TAX1BP1: variants seen among roughly 807,000 people sequenced by gnomAD.
TAX1BP1 encodes Tax1 binding protein 1, also known as tax1-binding protein 1.
In TAX1BP1, 62 loss-of-function variants were observed where a neutral mutation model predicts 97.7. The ratio of observed to expected loss-of-function variants is 0.63; its 90% confidence interval spans 0.52 to 0.78. The LOEUF is 0.78. Ranked by LOEUF, TAX1BP1 falls within the 30% of genes least tolerant of loss-of-function variation. The probability of loss-of-function intolerance (pLI) is 0.00; values close to 1 mark genes in which losing one functional copy is unlikely to be tolerated. For missense variants in TAX1BP1, 867 were observed against 916.1 expected (o/e 0.95, Z 0.69); for synonymous variants, 340 against 304.2 (o/e 1.12, Z -1.23).
chr7:27,756,610 T>C (rs905171581), intron 2 of TAX1BP1, among the ~76,000 whole-genome samples: 3 of 152,158 alleles, frequency 2.0e-5, no homozygotes, highest in Non-Finnish European at 2.9e-5. Context: ...CAAATTATCT[T>C]TTCTGGTATT....
chr7:27,803,011 A>G, intron 13 of TAX1BP1: 1 of 1,147,012 alleles, frequency 8.7e-7, no homozygotes, highest in East Asian at 2.7e-5. Flanking sequence ...ATTTAGTAAT[A>G]GGAATTATTT....
At chr7:27,814,158 T>C (rs1405021174) in intron 13 of TAX1BP1, among the ~76,000 whole-genome samples, 1 of 152,076 alleles carries the variant, frequency 6.6e-6, no homozygotes. Context: ...AACCTTTCTT[T>C]TTTTTCTGTA....
intron 11 of TAX1BP1, among the ~76,000 whole-genome samples, chr7:27,795,079 A>G (rs1240005144): frequency 1.3e-5 from 2 of 152,212 alleles, no homozygotes; most frequent in African/African-American, 2.4e-5. Flanking sequence ...TAAATTTGAC[A>G]GTAATGACGT....
At chr7:27,820,860 C>T (rs571537043) in intron 15 of TAX1BP1, among the ~76,000 whole-genome samples, 36 of 152,138 alleles carry the variant, frequency 2.4e-4, no homozygotes, top group Non-Finnish European at 4.0e-4. Context: ...GTTGACTATC[C>T]CTTATCCAAA....
intron 13 of TAX1BP1, among the ~76,000 whole-genome samples, chr7:27,809,348 A>G (rs530551977): frequency 7.9e-4 from 120 of 152,342 alleles, no homozygotes; most frequent in African/African-American, 2.7e-3. Context: ...AGGTACCACA[A>G]CCATTACTGT....
intron 5 of TAX1BP1, among the ~76,000 whole-genome samples, chr7:27,776,729 T>C (rs959597657): frequency 6.6e-6 from 1 of 151,978 alleles, no homozygotes; most frequent in Non-Finnish European, 1.5e-5. Flanking sequence ...CTGTTTTTTC[T>C]GTCTTTCCTC....
At chr7:27,741,364 T>G (rs1380485769) in intron 1 of TAX1BP1, among the ~76,000 whole-genome samples, 1 of 152,244 alleles carries the variant, frequency 6.6e-6, no homozygotes, top group African/African-American at 2.4e-5. Context: ...CCTTTCTCTT[T>G]CGTTCTGTTC....
chr7:27,742,010 A>G (rs1787629735), intron 1 of TAX1BP1, among the ~76,000 whole-genome samples: 1 of 152,238 alleles, frequency 6.6e-6, no homozygotes, highest in Admixed American at 6.5e-5. Context: ...ACAAAGCAGT[A>G]TTGCTGCCCA....
In TAX1BP1 at chr7:27,817,053, C is replaced by A. The variant is rs1199590395; in HGVS notation, c.2085+15C>A. 2 of 1,602,832 alleles carry A rather than the reference C, an allele frequency of 1.2e-6. No homozygotes were observed. The highest frequency in any genetic ancestry group is 2.2e-5 in the South Asian group (2 of 89,698). Reference sequence around the variant, plus strand: ...AGGATAGCAAAGTAAATTGAATTTTCATTGTGTGAGCCTGTCCCTTTTTTA... The same window carrying A: ...AGGATAGCAAAGTAAATTGAATTTTAATTGTGTGAGCCTGTCCCTTTTTTA... On this transcript the variant is annotated intron_variant, in intron 15 of 16. Transcript: ENST00000396319.
Position 27,820,583 on chromosome 7 carries a change from C to T in TAX1BP1, c.2085+3545C>T, listed in dbSNP as rs192532773. ...GTGATTACAGTCAATTCATTTTTAT[C>T]AAGAGAGCCAAGACAATTCAAGAGG... On this transcript the variant is annotated intron_variant, in intron 15 of 16. Coordinates refer to ENST00000396319, the MANE Select transcript of TAX1BP1 (RefSeq NM_006024.7). Among the ~76,000 whole-genome samples, 9 of 152,144 alleles carry T rather than the reference C, an allele frequency of 5.9e-5. No individual in the cohort carries two copies. In the East Asian group the frequency reaches 1.7e-3, roughly 29 times the overall value.
At position 27,793,357 on chromosome 7, in the gene TAX1BP1, C is replaced by T. The variant is rs575631353; in HGVS notation, c.1410+145C>T. 1.2e-4 allele frequency: 90 copies of T among 769,630 alleles called. No individual in the cohort carries two copies. In the African/African-American group the frequency reaches 1.6e-3, roughly 14 times the overall value. 47.7% of individuals were successfully genotyped at this position (769,630 alleles called of 1,614,324 possible). A position where few individuals can be genotyped will look rare whatever the true frequency, so the allele number is the denominator to read the frequency against. On this transcript the variant is annotated intron_variant, in intron 10 of 16. Coordinates refer to ENST00000396319, the MANE Select transcript of TAX1BP1 (RefSeq NM_006024.7). The stretch of plus-strand genomic sequence containing the variant: ...AGTCATTGGCCAAATATTGTAATAA[C>T]TCTTCTTTAAAAAAGTCTGGAATTT...
chr7:27,804,308 T>G (rs192542364), intron 13 of TAX1BP1, among the ~76,000 whole-genome samples: 21 of 152,378 alleles, frequency 1.4e-4, no homozygotes, highest in Admixed American at 1.4e-3. Flanking sequence ...GAGGTTACTG[T>G]GATAGTTGTG....
At chr7:27,798,663 C>CA (rs34078205) in intron 12 of TAX1BP1, among the ~76,000 whole-genome samples, 19,189 of 71,864 alleles carry the variant, frequency 0.27, 2,292 homozygotes, top group African/African-American at 0.45. Flanking sequence ...GACTCTGTCT[C>CA]AAAAAAAAAA....
chr7:27,764,512 G>A (rs1489286330), intron 3 of TAX1BP1, among the ~76,000 whole-genome samples: 1 of 152,148 alleles, frequency 6.6e-6, no homozygotes. Flanking sequence ...CTTATTACTG[G>A]TTATAATAAT....
chr7:27,816,623 C>A, intron 14 of TAX1BP1, 103 bp downstream of exon 14: 1 of 1,072,476 alleles, frequency 9.3e-7, no homozygotes, highest in Non-Finnish European at 1.3e-6. Context: ...AACCCTAATA[C>A]AAACATTATT....
In TAX1BP1 at chr7:27,793,153, G is replaced by C. The variant is rs770980578; in HGVS notation, c.1351G>C (p.Glu451Gln). ...TCAGATGGCTGCAGACCATTATAAA[G>C]AAAAATTTAAGGAATGCCAAAGGCT... is the stretch of plus-strand genomic sequence containing the variant. The part of the protein sequence containing the change: ...RLQMAADHYK[E>Q]KFKECQRLQK... The change falls in exon 10 of 17, where the codon GAA becomes CAA. Residue 451 changes from glutamate (E) to glutamine (Q), a missense_variant. By Grantham distance (29) the Glu-to-Gln change is conservative. This residue lies in a region of TAX1BP1 where 822 missense variants were observed against 851.4 expected (regional missense o/e 0.97). Transcript: ENST00000396319. 2 of 1,595,790 alleles carry C rather than the reference G, an allele frequency of 1.3e-6. No individual in the cohort carries two copies. The highest frequency in any genetic ancestry group is 1.2e-5 in the South Asian group (1 of 86,744).
At chr7:27,776,713 C>A (rs1229046975) in intron 5 of TAX1BP1, among the ~76,000 whole-genome samples, 3 of 149,964 alleles carry the variant, frequency 2.0e-5, no homozygotes, top group Admixed American at 6.6e-5. Context: ...GCCATTATTT[C>A]TTCAGCTGTT....
At chr7:27,750,892 C>A (rs1787996127) in intron 2 of TAX1BP1, among the ~76,000 whole-genome samples, 1 of 152,136 alleles carries the variant, frequency 6.6e-6, no homozygotes, top group Admixed American at 6.5e-5. Flanking sequence ...AATAGGTCAG[C>A]TGTTTTACCC....
intron 5 of TAX1BP1, among the ~76,000 whole-genome samples, chr7:27,780,729 G>A (rs1223417278): frequency 6.6e-6 from 1 of 152,048 alleles, no homozygotes; most frequent in Non-Finnish European, 1.5e-5. Flanking sequence ...TATAACTTAT[G>A]TATACATAGC....
Sources: gnomAD v4.1 joint callset for allele counts (sites outside exome capture counted in the v4.1 genomes callset) on GRCh38, gnomAD v4.1.1 for gene constraint, gnomAD v4.1.1 regional missense constraint, MANE v1.5 for transcripts, NCBI Gene and HGNC (gene_info 2026-07-23, HGNC 2026-07-21) for gene names.